Variants in PRAG1 observed in about 807,000 individuals in gnomAD.
PRAG1 encodes PEAK1 related, kinase-activating pseudokinase 1, also known as inactive tyrosine-protein kinase PRAG1.
PRAG1 carries 110 observed loss-of-function variants against 95.6 expected under a neutral mutation model. The ratio of observed to expected loss-of-function variants is 1.15; its 90% confidence interval spans 0.99 to 1.35. The LOEUF is 1.35. Among genes scored for constraint, PRAG1 ranks in the 40% most tolerant of loss-of-function variants. The pLI, the probability that PRAG1 is intolerant of heterozygous loss-of-function variation, is 0.00. For synonymous variants in PRAG1, 1,052 were observed against 819.4 expected, an observed-to-expected ratio of 1.28 and a Z score of -4.85; for missense variants, 2,554 against 1,864.7, an observed-to-expected ratio of 1.37 and a Z score of -6.81.
At chr8:8,355,151 C>G (rs1799643796) in intron 3 of PRAG1, among the ~76,000 whole-genome samples, 1 of 151,724 alleles carries the variant, frequency 6.6e-6, no homozygotes, top group Non-Finnish European at 1.5e-5. Flanking sequence ...AAACAAAAAT[C>G]AAGAAAACAA....
intron 2 of PRAG1, among the ~76,000 whole-genome samples, chr8:8,379,055 AGTGAGGGGTGGTTTCTGAACTGGATCAGG>A (rs1447325220): frequency 5.0e-5 from 7 of 139,792 alleles, no homozygotes; most frequent in Non-Finnish European, 1.1e-4. Context: ...ACCGGATCAG[AGTGAGGGGTGGTTTCTGAACTGGATCAGG>A]GTGAGGGGTG....
At chr8:8,346,339 A>C (rs541245710) in intron 3 of PRAG1, among the ~76,000 whole-genome samples, 46 of 152,346 alleles carry the variant, frequency 3.0e-4, no homozygotes, top group African/African-American at 1.0e-3. Flanking sequence ...TCACTCACGT[A>C]GTGTGATAAA....
chr8:8,345,444 T>C (rs1301843900), intron 3 of PRAG1, among the ~76,000 whole-genome samples: 1 of 150,246 alleles, frequency 6.7e-6, no homozygotes, highest in Non-Finnish European at 1.5e-5. Context: ...CAGTTGTAAA[T>C]GGGGATATAA....
At chr8:8,321,017 T>C (rs1423183509) in intron 5 of PRAG1, among the ~76,000 whole-genome samples, 1 of 152,240 alleles carries the variant, frequency 6.6e-6, no homozygotes, top group Non-Finnish European at 1.5e-5. Context: ...TTGCTTCCTA[T>C]TACACTAACA....
At chr8:8,334,911 G>A (rs1002901333) in intron 4 of PRAG1, among the ~76,000 whole-genome samples, 3 of 151,798 alleles carry the variant, frequency 2.0e-5, no homozygotes, top group Non-Finnish European at 2.9e-5. Flanking sequence ...GGCGAAACTC[G>A]TCTCTACTAA....
At chr8:8,350,405 G>T (rs1016230099) in intron 3 of PRAG1, among the ~76,000 whole-genome samples, 1 of 152,226 alleles carries the variant, frequency 6.6e-6, no homozygotes, top group African/African-American at 2.4e-5. Flanking sequence ...CCAACTCATG[G>T]CCTGGAAAGT....
chr8:8,333,706 A>C (rs1433457648), intron 4 of PRAG1, among the ~76,000 whole-genome samples: 1 of 152,210 alleles, frequency 6.6e-6, no homozygotes, highest in Non-Finnish European at 1.5e-5. Context: ...CTTTCTTTGC[A>C]CAGCTCTGCT....
chr8:8,384,102 C>G (rs912591754), intron 1 of PRAG1, among the ~76,000 whole-genome samples: 1 of 151,858 alleles, frequency 6.6e-6, no homozygotes, highest in African/African-American at 2.4e-5. Context: ...GTTCCCACAG[C>G]TCCTCCTGAC....
At chr8:8,365,090 G>A (rs1799958335) in intron 3 of PRAG1, among the ~76,000 whole-genome samples, 1 of 152,086 alleles carries the variant, frequency 6.6e-6, no homozygotes, top group South Asian at 2.1e-4. Context: ...TTTTCTCCTA[G>A]GGAGACATGA....
intron 4 of PRAG1, among the ~76,000 whole-genome samples, chr8:8,335,523 C>T (rs1798957478): frequency 6.6e-6 from 1 of 151,692 alleles, no homozygotes; most frequent in Non-Finnish European, 1.5e-5. Flanking sequence ...CATTTTATTC[C>T]TTTCTCTGTT....
chr8:8,376,234 C>T lies in PRAG1; in HGVS notation c.2162+13G>A. ...CCCTGCAGACAGAGTCCCAGGCAGA[C>T]AATGGTACTCACCGCGACTTTGGAG... On this transcript the variant is annotated intron_variant, in intron 3 of 5. Transcript: ENST00000615670. 1 of 1,608,110 alleles carries T rather than the reference C, an allele frequency of 6.2e-7. No homozygotes were observed. The highest frequency in any genetic ancestry group is 8.5e-7 in the Non-Finnish European group (1 of 1,177,380).
intron 3 of PRAG1, among the ~76,000 whole-genome samples, chr8:8,345,488 T>C (rs1001167833): frequency 2.0e-5 from 3 of 152,134 alleles, no homozygotes; most frequent in Non-Finnish European, 4.4e-5. Context: ...GTGACCCTTT[T>C]GCTTAATAGC....
Position 8,318,527 on chromosome 8 carries a change from C to A in PRAG1, c.3848G>T (p.Arg1283Leu). ...VRAQLRERDYRQEDLPPLPAL... is the reference protein window; with the variant it reads ...VRAQLRERDYLQEDLPPLPAL... Reference sequence around the variant, plus strand: ...GGGCAGCGGCGGCAGGTCCTCCTGCCGGTAGTCTCTCTCCCGCAGCTGGGC... The same window carrying A: ...GGGCAGCGGCGGCAGGTCCTCCTGCAGGTAGTCTCTCTCCCGCAGCTGGGC... Residue 1283 changes from arginine to leucine, a missense_variant, in exon 6 of 6, where the codon CGG (arginine) becomes CTG (leucine). By Grantham distance (102) the Arg-to-Leu change is moderately radical. Transcript: ENST00000615670. The surrounding 1 kb of genome is among the most constrained non-coding windows in gnomAD (Gnocchi z 4.2). 1.9e-6 allele frequency: 3 copies of A among 1,612,818 alleles called. No homozygotes were observed. The highest frequency in any genetic ancestry group is 2.5e-6 in the Non-Finnish European group (3 of 1,179,794).
chr8:8,343,779 A>C (rs1799246144), intron 3 of PRAG1, among the ~76,000 whole-genome samples: 1 of 152,208 alleles, frequency 6.6e-6, no homozygotes, highest in African/African-American at 2.4e-5. Context: ...ATGTTTTCTA[A>C]TAAAGCTTTA....
chr8:8,358,902 CATAAAGGCTT>C (rs1799764754), intron 3 of PRAG1, among the ~76,000 whole-genome samples: 1 of 152,162 alleles, frequency 6.6e-6, no homozygotes, highest in Non-Finnish European at 1.5e-5. Context: ...AAGTTGCTTA[CATAAAGGCTT>C]ATAGAAGCAA....
intron 5 of PRAG1, among the ~76,000 whole-genome samples, chr8:8,324,958 G>C (rs1486481001): frequency 6.6e-6 from 1 of 152,214 alleles, no homozygotes; most frequent in South Asian, 2.1e-4. Context: ...AAAGTAGTAG[G>C]TTCCAGCATC....
At chr8:8,372,769 G>C (rs1043099491) in intron 3 of PRAG1, among the ~76,000 whole-genome samples, 10 of 152,196 alleles carry the variant, frequency 6.6e-5, no homozygotes, top group African/African-American at 2.4e-4. Context: ...GGAAAGCCAA[G>C]TCATTCTTAA....
intron 3 of PRAG1, among the ~76,000 whole-genome samples, chr8:8,365,701 A>G (rs1295535879): frequency 6.6e-6 from 1 of 151,888 alleles, no homozygotes; most frequent in Non-Finnish European, 1.5e-5. Flanking sequence ...AGTGACTCAC[A>G]CCTGTAATCC....
At chr8:8,339,375 G>T in intron 4 of PRAG1, 103 bp downstream of exon 4, 2 of 1,257,832 alleles carry the variant, frequency 1.6e-6, no homozygotes, top group African/African-American at 1.5e-5. Context: ...GCAGGACCAA[G>T]ACAGTAGTCC....
Sources: gnomAD v4.1 joint callset for allele counts (sites outside exome capture counted in the v4.1 genomes callset) on GRCh38, gnomAD v4.1.1 for gene constraint, Gnocchi (gnomAD v3.1) non-coding constraint, MANE v1.5 for transcripts, NCBI Gene and HGNC (gene_info 2026-07-23, HGNC 2026-07-21) for gene names.